NOX1: variants seen among roughly 807,000 people sequenced by gnomAD.
NOX1 encodes NADPH oxidase 1.
A neutral mutation model predicts 42.5 loss-of-function variants in NOX1; 34 were observed. The observed-to-expected ratio is 0.80, with a 90% CI of 0.61 to 1.07. The LOEUF is 1.07. NOX1 is among the 50% of genes least tolerant of loss of function. The pLI is 0.00. For synonymous variants in NOX1, 143 were observed against 152.5 expected (o/e 0.94, Z 0.46); for missense variants, 408 against 427.0 (o/e 0.96, Z 0.39).
chrX:100,861,026 A>T (rs1330977891), intron 7 of NOX1, among the ~76,000 whole-genome samples: 3 of 111,509 alleles, frequency 2.7e-5, no homozygotes, highest in African/African-American at 9.8e-5. Flanking sequence ...GGTGTGAGCC[A>T]CCGTGCCCGG....
At chrX:100,844,318 C>T (rs969463622) in intron 12 of NOX1, among the ~76,000 whole-genome samples, 3 of 112,323 alleles carry the variant, frequency 2.7e-5, no homozygotes, top group Non-Finnish European at 3.8e-5. Context: ...AGACATAAGA[C>T]AGTGCAGTGG....
At chrX:100,846,176 C>T (rs1324257093) in intron 12 of NOX1, among the ~76,000 whole-genome samples, 2 of 111,704 alleles carry the variant, frequency 1.8e-5, no homozygotes, top group Non-Finnish European at 3.8e-5. Flanking sequence ...CTGCCTTGGC[C>T]TCCCAAAGTG....
At chrX:100,860,693 C>T (rs899740811) in intron 7 of NOX1, among the ~76,000 whole-genome samples, 1 of 111,589 alleles carries the variant, frequency 9.0e-6, no homozygotes, top group African/African-American at 3.3e-5. Flanking sequence ...AGTCCATGCC[C>T]TGTGAGTTGT....
chrX:100,873,296 G>C (rs1489596722), intron 1 of NOX1, among the ~76,000 whole-genome samples: 4 of 111,571 alleles, frequency 3.6e-5, no homozygotes, highest in Admixed American at 2.9e-4. Context: ...TGGCCTGAAC[G>C]TCATTGGGGA....
Position 100,848,770 on chromosome X carries a change from T to G in NOX1, c.1444-16A>C. ...CATGACCAACCTGGATTCAGAGGAATAAAAGTTAGAAAAACCAAGTCCTAG... is the reference window on the plus strand; with the variant it reads ...CATGACCAACCTGGATTCAGAGGAAGAAAAGTTAGAAAAACCAAGTCCTAG... On this transcript the variant is annotated splice_polypyrimidine_tract_variant and intron_variant, in intron 11 of 12. Coordinates refer to ENST00000372966, the MANE Select transcript of NOX1 (RefSeq NM_007052.5). 1 of 1,206,268 alleles carries G rather than the reference T, an allele frequency of 8.3e-7. No individual in the cohort carries two copies. The highest frequency in any genetic ancestry group is 1.1e-6 in the Non-Finnish European group (1 of 892,078).
intron 7 of NOX1, among the ~76,000 whole-genome samples, chrX:100,852,216 C>G (rs985940444): frequency 4.9e-4 from 55 of 112,116 alleles, no homozygotes; most frequent in African/African-American, 1.7e-3. Flanking sequence ...CGCCTGTAAT[C>G]CCAGCACCTT....
intron 1 of NOX1, among the ~76,000 whole-genome samples, chrX:100,873,885 A>G (rs1043157764): frequency 8.9e-6 from 1 of 111,909 alleles, no homozygotes; most frequent in African/African-American, 3.3e-5. Flanking sequence ...TGAAATTCCA[A>G]ATACTTGTGA....
At chrX:100,864,148 C>T (rs1407364889) in intron 2 of NOX1, among the ~76,000 whole-genome samples, 2 of 111,215 alleles carry the variant, frequency 1.8e-5, no homozygotes, top group Admixed American at 1.9e-4. Flanking sequence ...CACCACCATA[C>T]CCAGCCAATT....
intron 8 of NOX1, 30 bp downstream of exon 8, chrX:100,851,203 C>T: frequency 1.1e-6 from 1 of 928,265 alleles, no homozygotes; most frequent in Non-Finnish European, 1.5e-6. Flanking sequence ...TAACTCTTAT[C>T]ACAGCAAGAG....
intron 3 of NOX1, 55 bp from the exon 4 acceptor site, chrX:100,863,298 A>G (rs2085218056): frequency 2.9e-6 from 3 of 1,017,170 alleles, no homozygotes; most frequent in Non-Finnish European, 2.8e-6. Flanking sequence ...TATTAAATTC[A>G]CTAACCCATA....
At chrX:100,854,007 G>A (rs1430166880) in intron 7 of NOX1, among the ~76,000 whole-genome samples, 2 of 111,465 alleles carry the variant, frequency 1.8e-5, no homozygotes, top group African/African-American at 6.5e-5. Context: ...GCAGGGCGTG[G>A]TGGTGCGCGC....
At chrX:100,864,282 G>T (rs2085224843) in intron 2 of NOX1, among the ~76,000 whole-genome samples, 1 of 112,355 alleles carries the variant, frequency 8.9e-6, no homozygotes, top group Non-Finnish European at 1.9e-5. Flanking sequence ...GAGCCACCAT[G>T]CCTGGCCAAG....
At chrX:100,853,875 G>T (rs1402097125) in intron 7 of NOX1, among the ~76,000 whole-genome samples, 2 of 111,308 alleles carry the variant, frequency 1.8e-5, no homozygotes, top group African/African-American at 6.5e-5. Flanking sequence ...GGGTGCGGTG[G>T]CTCACGCCTG....
intron 1 of NOX1, among the ~76,000 whole-genome samples, chrX:100,871,842 C>G (rs139021496): frequency 3.1e-3 from 350 of 111,914 alleles, no homozygotes; most frequent in African/African-American, 0.011. Flanking sequence ...TAGATCTAGA[C>G]CACTCACACA....
intron 2 of NOX1, among the ~76,000 whole-genome samples, chrX:100,868,410 C>A (rs1236300978): frequency 8.9e-6 from 1 of 111,832 alleles, no homozygotes; most frequent in Non-Finnish European, 1.9e-5. Flanking sequence ...CAAATATGCT[C>A]TTCTAACCAG....
rs138077963 is a variant in NOX1, at chrX:100,872,739, C to G, written c.45+1356G>C. On this transcript the variant is annotated intron_variant, in intron 1 of 12. Coordinates refer to ENST00000372966, the MANE Select transcript of NOX1 (RefSeq NM_007052.5). ...TATCTAATCTAGTCACTTTATTAAT[C>G]CCCTGCTCCCCTCCCCTGCCCAATT... Among the ~76,000 whole-genome samples, 672 of 109,818 alleles carry G rather than the reference C, an allele frequency of 6.1e-3. 7 individuals are homozygous for G. Among genetic ancestry groups the G allele is most frequent in the African/African-American group, 0.021 (625 of 30,127 alleles).
intron 12 of NOX1, among the ~76,000 whole-genome samples, 170 bp from the exon 13 acceptor site, chrX:100,844,248 TG>T (rs112072242): frequency 9.0e-6 from 1 of 111,378 alleles, no homozygotes; most frequent in African/African-American, 3.3e-5. Flanking sequence ...ACCCCAAATA[TG>T]CTCTCAGCCC....
At chrX:100,873,952 G>C in intron 1 of NOX1, 143 bp downstream of exon 1, 1 of 424,831 alleles carries the variant, frequency 2.4e-6, no homozygotes, top group Middle Eastern at 6.6e-4. Flanking sequence ...CTGACCCACA[G>C]TTGTATTTTT....
intron 7 of NOX1, among the ~76,000 whole-genome samples, chrX:100,861,347 T>A (rs750981755): frequency 3.1e-4 from 35 of 111,709 alleles, no homozygotes; most frequent in Non-Finnish European, 5.5e-4. Flanking sequence ...TTTTTCCTGT[T>A]CCAGATGAGA....
Sources: gnomAD v4.1 joint callset for allele counts (sites outside exome capture counted in the v4.1 genomes callset) on GRCh38, gnomAD v4.1.1 for gene constraint, MANE v1.5 for transcripts, NCBI Gene and HGNC (gene_info 2026-07-23, HGNC 2026-07-21) for gene names.